The following TRERF1 variants were observed in gnomAD, a reference collection of about 807,000 sequenced individuals.
TRERF1 encodes transcriptional regulating factor 1.
Under a neutral mutation model 122.9 loss-of-function variants are expected in TRERF1, and 27 were observed. The observed-to-expected ratio is 0.22, with a 90% CI of 0.16 to 0.30. The LOEUF is 0.30. TRERF1 is among the 10% of genes least tolerant of loss of function. TRERF1 has a pLI of 1.00. For synonymous variants in TRERF1, 636 were observed against 641.7 expected (o/e 0.99, Z 0.13); for missense variants, 1,248 against 1,560.3 (o/e 0.80, Z 3.37).
chr6:42,445,880 C>A (rs1350776490), intron 2 of TRERF1, among the ~76,000 whole-genome samples: 2 of 152,076 alleles, frequency 1.3e-5, no homozygotes, highest in African/African-American at 4.8e-5. Context: ...TAGGGGCTGT[C>A]GCTTCCCACT....
Position 42,263,334 on chromosome 6 carries a change from C to T in TRERF1, c.1870G>A (p.Glu624Lys). The stretch of plus-strand genomic sequence containing the variant: ...GTCATCCTCACGAGCACAGGCATCT[C>T]GTCGTCCGACATCGAGCTGGCTGGC... Residue 624 changes from glutamate to lysine, a missense_variant, in exon 8 of 18, where the codon GAG (glutamate) becomes AAG (lysine). This residue lies in a region of TRERF1 where 946 missense variants were observed against 1,073.0 expected (regional missense o/e 0.88). Transcript: ENST00000372922. This position sits in a 1 kb window ranked among gnomAD's most constrained non-coding sequence, Gnocchi z 5.6. The T allele has an allele frequency of 1.9e-6, 3 of 1,612,250 alleles. No individual in the cohort carries two copies. The highest frequency in any genetic ancestry group is 2.2e-5 in the South Asian group (2 of 90,484).
At chr6:42,314,350 A>G (rs1270463951) in intron 3 of TRERF1, among the ~76,000 whole-genome samples, 1 of 152,226 alleles carries the variant, frequency 6.6e-6, no homozygotes, top group Non-Finnish European at 1.5e-5. Context: ...CTCTTCATCA[A>G]CATAAATCCC....
intron 4 of TRERF1, among the ~76,000 whole-genome samples, chr6:42,293,495 G>C (rs1784620160): frequency 6.6e-6 from 1 of 152,172 alleles, no homozygotes; most frequent in South Asian, 2.1e-4. Context: ...AGACATCACT[G>C]AAGTGCAAAG....
chr6:42,245,656 T>G (rs184621192), intron 14 of TRERF1, among the ~76,000 whole-genome samples: 8 of 152,382 alleles, frequency 5.2e-5, no homozygotes, highest in African/African-American at 1.9e-4. Flanking sequence ...AGTTTTATTT[T>G]GCTTTCGAAT....
At chr6:42,373,453 G>T (rs1237899606) in intron 2 of TRERF1, among the ~76,000 whole-genome samples, 1 of 152,202 alleles carries the variant, frequency 6.6e-6, no homozygotes, top group Non-Finnish European at 1.5e-5. Flanking sequence ...GGATCATGGG[G>T]TCAGGAGATC....
chr6:42,360,770 TTAAAAAAA>T (rs1199798872), intron 3 of TRERF1, among the ~76,000 whole-genome samples: 56 of 64,096 alleles, frequency 8.7e-4, no homozygotes, highest in African/African-American at 2.4e-3. Flanking sequence ...AGTGGAGAGA[TTAAAAAAA>T]AAAAAAAAAA....
intron 4 of TRERF1, among the ~76,000 whole-genome samples, chr6:42,271,967 G>C (rs1323582937): frequency 6.6e-6 from 1 of 152,078 alleles, no homozygotes; most frequent in Non-Finnish European, 1.5e-5. Flanking sequence ...TATTAAAGAG[G>C]GTGTTCATGC....
At chr6:42,244,103 ACTC>A (rs1477694606) in intron 14 of TRERF1, among the ~76,000 whole-genome samples, 4 of 149,930 alleles carry the variant, frequency 2.7e-5, no homozygotes, top group Non-Finnish European at 5.9e-5. Context: ...CTAGTCTCGA[ACTC>A]CTGACCTCAA....
At chr6:42,253,236 G>A (rs1776143575) in intron 13 of TRERF1, among the ~76,000 whole-genome samples, 1 of 152,204 alleles carries the variant, frequency 6.6e-6, no homozygotes, top group Non-Finnish European at 1.5e-5. Flanking sequence ...CCAGAGGAGA[G>A]CTGTATCCCA....
At chr6:42,230,349 C>T (rs556955296) in intron 17 of TRERF1, among the ~76,000 whole-genome samples, 2 of 150,842 alleles carry the variant, frequency 1.3e-5, no homozygotes, top group Non-Finnish European at 3.0e-5. Flanking sequence ...TTCCAAGCAA[C>T]GTAAGACTCC....
At chr6:42,246,588 CCT>C (rs1439421183) in intron 13 of TRERF1, 44 bp from the exon 14 acceptor site, 1 of 1,431,454 alleles carries the variant, frequency 7.0e-7, no homozygotes, top group East Asian at 2.4e-5. Flanking sequence ...CACAGTTCCC[CCT>C]GCTTTTAGTT....
intron 4 of TRERF1, among the ~76,000 whole-genome samples, chr6:42,281,039 T>C (rs536765597): frequency 1.8e-4 from 27 of 152,302 alleles, no homozygotes; most frequent in African/African-American, 6.5e-4. Context: ...TTCTGGTTAC[T>C]GAGAGGCCTC....
intron 4 of TRERF1, among the ~76,000 whole-genome samples, chr6:42,296,063 G>C (rs1785053853): frequency 6.6e-6 from 1 of 152,016 alleles, no homozygotes; most frequent in Non-Finnish European, 1.5e-5. Flanking sequence ...CTTGATCTGG[G>C]GGCCCTGCAA....
chr6:42,444,853 G>A (rs138329897), intron 2 of TRERF1, among the ~76,000 whole-genome samples: 26 of 152,200 alleles, frequency 1.7e-4, no homozygotes, highest in African/African-American at 6.0e-4. Context: ...CCAAAGAGTT[G>A]ACTACACGGG....
At chr6:42,246,976 G>T (rs1017367931) in intron 13 of TRERF1, among the ~76,000 whole-genome samples, 1 of 152,210 alleles carries the variant, frequency 6.6e-6, no homozygotes, top group Non-Finnish European at 1.5e-5. Context: ...TCAGGGTGTG[G>T]CTGGATTCAC....
At chr6:42,362,681 C>G (rs996172081) in intron 3 of TRERF1, among the ~76,000 whole-genome samples, 1 of 152,228 alleles carries the variant, frequency 6.6e-6, no homozygotes, top group Non-Finnish European at 1.5e-5. Flanking sequence ...CACTGCATCC[C>G]AGACATTTTT....
chr6:42,445,928 T>A (rs1273923297), intron 2 of TRERF1, among the ~76,000 whole-genome samples: 1 of 152,142 alleles, frequency 6.6e-6, no homozygotes, highest in East Asian at 1.9e-4. Context: ...GTTGTTGTTG[T>A]TTTTGAGATG....
chr6:42,328,637 T>G (rs775123547), intron 3 of TRERF1, among the ~76,000 whole-genome samples: 8 of 151,928 alleles, frequency 5.3e-5, no homozygotes, highest in Non-Finnish European at 8.8e-5. Context: ...AAATGTGGAG[T>G]TGTCTGTCTG....
chr6:42,379,767 G>A (rs1775588577), intron 2 of TRERF1, among the ~76,000 whole-genome samples: 1 of 152,208 alleles, frequency 6.6e-6, no homozygotes, highest in African/African-American at 2.4e-5. Flanking sequence ...CTGAGCCCAA[G>A]CGATCCACCC....
Sources: allele counts gnomAD v4.1 joint callset (sites outside exome capture counted in the v4.1 genomes callset), GRCh38; gene constraint gnomAD v4.1.1; regional missense constraint gnomAD v4.1.1; non-coding constraint Gnocchi (gnomAD v3.1); transcripts MANE v1.5; gene names NCBI Gene and HGNC (gene_info 2026-07-23, HGNC 2026-07-21).